HIGD1C: variants seen among roughly 807,000 people sequenced by gnomAD.
HIGD1C encodes the protein HIG1 hypoxia inducible domain family member 1C.
Under a neutral mutation model 13.1 loss-of-function variants are expected in HIGD1C, and 11 were observed. That is an observed-to-expected ratio of 0.84 (90% CI 0.53 to 1.39). The LOEUF (loss-of-function observed/expected upper bound fraction) is 1.39, where lower values mean the gene tolerates loss of function less well. HIGD1C is among the 40% of genes most tolerant of loss of function. The pLI, the probability that HIGD1C is intolerant of heterozygous loss-of-function variation, is 0.00. For missense variants in HIGD1C, 110 were observed against 112.0 expected, an observed-to-expected ratio of 0.98 and a Z score of 0.08; for synonymous variants, 36 against 37.7, an observed-to-expected ratio of 0.95 and a Z score of 0.17.
At chr12:50,937,186 C>A in the HIGD1C span, among the ~76,000 whole-genome samples, 1 of 152,200 alleles carries the variant, frequency 6.6e-6, no homozygotes, top group Non-Finnish European at 1.5e-5. Flanking sequence ...TAGTGACACC[C>A]CTGCCCAGGG....
At chr12:50,936,997 C>T in the HIGD1C span, among the ~76,000 whole-genome samples, 22 of 152,244 alleles carry the variant, frequency 1.4e-4, no homozygotes, top group Admixed American at 1.4e-3. Context: ...ATCACTAACA[C>T]CCAGAGGTAT....
intron 1 of HIGD1C, among the ~76,000 whole-genome samples, chr12:50,960,329 T>C (rs2139805101): frequency 6.6e-6 from 1 of 152,356 alleles, no homozygotes; most frequent in South Asian, 2.1e-4. Context: ...ACTCAAAAGC[T>C]GTGGGCACTG....
chr12:50,947,919 A>G, the HIGD1C span, among the ~76,000 whole-genome samples: 3 of 152,232 alleles, frequency 2.0e-5, no homozygotes, highest in Non-Finnish European at 4.4e-5. Context: ...ACTGCACTCC[A>G]GCCTGGGCAA....
chr12:50,942,030 G>C, the HIGD1C span, among the ~76,000 whole-genome samples: 1 of 151,962 alleles, frequency 6.6e-6, no homozygotes, highest in African/African-American at 2.4e-5. Context: ...ACAGATGTGC[G>C]CCACCATACC....
intron 2 of HIGD1C, among the ~76,000 whole-genome samples, chr12:50,968,623 C>A (rs1939639002): frequency 6.6e-6 from 1 of 152,096 alleles, no homozygotes; most frequent in Non-Finnish European, 1.5e-5. Flanking sequence ...CTCACTGCAA[C>A]CTCCACCTCC....
chr12:50,957,937 GGTGTGTGTGTGTGTGTGT>G (rs71089717), intron 1 of HIGD1C, among the ~76,000 whole-genome samples: 4,075 of 132,500 alleles, frequency 0.031, 211 homozygotes, highest in African/African-American at 0.11. Context: ...ATGAATTGGA[GGTGTGTGTGTGTGTGTGT>G]GTGTGTGTGT....
intron 2 of HIGD1C, among the ~76,000 whole-genome samples, chr12:50,968,499 A>G (rs1939633143): frequency 6.6e-6 from 1 of 151,484 alleles, no homozygotes; most frequent in Non-Finnish European, 1.5e-5. Context: ...TGATCCTCCC[A>G]CCTCAGCTTC....
At chr12:50,932,963 T>C in the HIGD1C span, among the ~76,000 whole-genome samples, 1 of 152,200 alleles carries the variant, frequency 6.6e-6, no homozygotes, top group African/African-American at 2.4e-5. Context: ...GTCAGTCTAG[T>C]GATTGAGAAA....
chr12:50,954,221 G>A lies in HIGD1C; in HGVS notation c.94+129G>A, dbSNP rs562048484. ...GATAATTGAAGCTAACCTCCTCTAAGCATGTGTTGAACTTTCAGAATAGTT... is the reference window on the plus strand; with the variant it reads ...GATAATTGAAGCTAACCTCCTCTAAACATGTGTTGAACTTTCAGAATAGTT... On this transcript the variant is annotated intron_variant, in intron 1 of 2. Transcript: ENST00000398455. The A allele has an allele frequency of 2.7e-5, 16 of 585,058 alleles. No individual in the cohort carries two copies. In the East Asian group the frequency reaches 4.5e-4, roughly 16 times the overall value. 36.2% of individuals were successfully genotyped at this position (585,058 alleles called of 1,614,324 possible).
exon 3 of HIGD1C, chr12:50,970,473 T>C: frequency 6.5e-7 from 1 of 1,532,564 alleles, no homozygotes; most frequent in East Asian, 2.4e-5. Flanking sequence ...AGGATTACAT[T>C]AGACCACGAT....
chr12:50,941,778 A>G, the HIGD1C span, among the ~76,000 whole-genome samples: 19 of 152,260 alleles, frequency 1.2e-4, no homozygotes, highest in East Asian at 3.7e-3. Context: ...CCTCCACTCT[A>G]CCTGGTCTGT....
intron 1 of HIGD1C, among the ~76,000 whole-genome samples, chr12:50,958,334 T>C (rs1280337373): frequency 4.0e-5 from 6 of 148,334 alleles, no homozygotes; most frequent in Non-Finnish European, 7.4e-5. Flanking sequence ...CAGGCTGGAG[T>C]GCAGTGGCAC....
At chr12:50,970,463 A>T in exon 3 of HIGD1C, 1 of 1,521,806 alleles carries the variant, frequency 6.6e-7, no homozygotes, top group Non-Finnish European at 8.9e-7. Flanking sequence ...TCTATGTATA[A>T]GGATTACATT....
In HIGD1C at chr12:50,963,346, G is replaced by A. The variant is rs547372842; in HGVS notation, c.229+2244G>A. Among the ~76,000 whole-genome samples, 3 of 142,446 alleles carry A rather than the reference G, an allele frequency of 2.1e-5. No homozygotes were observed. In the East Asian group the frequency reaches 6.4e-4, roughly 30 times the overall value. 93.5% of individuals were successfully genotyped at this position (142,446 alleles called of 152,430 possible). A position where few individuals can be genotyped will look rare whatever the true frequency, so the allele number is the denominator to read the frequency against. On this transcript the variant is annotated intron_variant, in intron 2 of 2. Coordinates refer to ENST00000398455, the Ensembl canonical transcript of HIGD1C. ...AACCACGCCACTGCACTCCAGCCTG[G>A]GTGAAAGGGCAAGACTCCATCTCAA... is the stretch of plus-strand genomic sequence containing the variant.
the HIGD1C span, among the ~76,000 whole-genome samples, chr12:50,934,426 T>C: frequency 6.6e-6 from 1 of 152,220 alleles, no homozygotes; most frequent in Admixed American, 6.5e-5. Flanking sequence ...AATGAAGCAA[T>C]GCACTTGGCA....
chr12:50,946,290 A>G, the HIGD1C span, among the ~76,000 whole-genome samples: 2 of 152,080 alleles, frequency 1.3e-5, no homozygotes, highest in East Asian at 3.8e-4. Flanking sequence ...AGAGTGAACA[A>G]GCAACCTACA....
intron 2 of HIGD1C, among the ~76,000 whole-genome samples, chr12:50,961,789 C>A (rs781761006): frequency 1.3e-5 from 2 of 152,152 alleles, no homozygotes; most frequent in Non-Finnish European, 2.9e-5. Context: ...TCATGACGTG[C>A]AGAGTGGAGT....
chr12:50,958,430 C>T (rs557865651), intron 1 of HIGD1C, among the ~76,000 whole-genome samples: 3 of 151,336 alleles, frequency 2.0e-5, no homozygotes, highest in East Asian at 2.0e-4. Flanking sequence ...TACAGGCACC[C>T]GCCACCACAC....
At chr12:50,937,859 G>A in the HIGD1C span, among the ~76,000 whole-genome samples, 3 of 152,292 alleles carry the variant, frequency 2.0e-5, no homozygotes, top group East Asian at 5.8e-4. Context: ...GAGTCTGGCT[G>A]AGTCTGGGGA....
Sources: gnomAD v4.1 joint callset for allele counts (sites outside exome capture counted in the v4.1 genomes callset) on GRCh38, gnomAD v4.1.1 for gene constraint, MANE v1.5 for transcripts, NCBI Gene and HGNC (gene_info 2026-07-23, HGNC 2026-07-21) for gene names.